CSF2RA: variants seen among roughly 807,000 people sequenced by gnomAD.
CSF2RA encodes colony stimulating factor 2 receptor subunit alpha, also known as granulocyte-macrophage colony-stimulating factor receptor subunit alpha.
CSF2RA carries 42 observed loss-of-function variants against 51.6 expected under a neutral mutation model. The observed-to-expected ratio is 0.81, with a 90% CI of 0.64 to 1.05. The LOEUF (loss-of-function observed/expected upper bound fraction) is 1.05, where lower values mean the gene tolerates loss of function less well. CSF2RA is among the 50% of genes least tolerant of loss of function. The pLI, the probability that CSF2RA is intolerant of heterozygous loss-of-function variation, is 0.00. For synonymous variants in CSF2RA, 222 were observed against 193.0 expected (o/e 1.15, Z -1.24); for missense variants, 530 against 501.1 (o/e 1.06, Z -0.55).
At chrX:1,279,882 T>A (rs1343447086) in intron 2 of CSF2RA, among the ~76,000 whole-genome samples, 1 of 151,538 alleles carries the variant, frequency 6.6e-6, no homozygotes, top group Non-Finnish European at 1.5e-5. Flanking sequence ...CTCCACCTCC[T>A]GGGTTCAAGC....
chrX:1,295,280 G>T, intron 8 of CSF2RA, 147 bp from the exon 9 acceptor site: 1 of 929,430 alleles, frequency 1.1e-6, no homozygotes, highest in South Asian at 1.3e-5. Context: ...TTGTAGATTC[G>T]GGGTTTGTGG....
rs140266665 is a variant in CSF2RA, at chrX:1,300,086, G to C, written c.811-405G>C. On this transcript the variant is annotated intron_variant, in intron 9 of 12. Coordinates refer to ENST00000381529, the MANE Select transcript of CSF2RA (RefSeq NM_172245.4). ...CAACAAAAATTAGCCGGGCGTGGTG[G>C]TGGGCACCTGTAGTCCCAACTACTG... Among the ~76,000 whole-genome samples the C allele has an allele frequency of 5.4e-3, 818 of 152,122 alleles. 10 individuals are homozygous for C. Among genetic ancestry groups the C allele is most frequent in the African/African-American group, 0.018 (742 of 41,510 alleles).
At chrX:1,283,865 A>G (rs2090336338) in intron 3 of CSF2RA, among the ~76,000 whole-genome samples, 2 of 152,054 alleles carry the variant, frequency 1.3e-5, no homozygotes, top group Admixed American at 1.3e-4. Flanking sequence ...CGCCACACCC[A>G]GCCTCTTGTT....
Position 1,277,623 on chromosome X carries a change from G to T in CSF2RA, c.-27+2805G>T, listed in dbSNP as rs771650694. Among the ~76,000 whole-genome samples, 13 of 149,106 alleles carry T rather than the reference G, an allele frequency of 8.7e-5. No homozygotes were observed. In the South Asian group the frequency reaches 2.8e-3, roughly 32 times the overall value. On this transcript the variant is annotated intron_variant, in intron 2 of 12. Coordinates refer to ENST00000381529, the MANE Select transcript of CSF2RA (RefSeq NM_172245.4). ...AAAAAAAAAAAAAAAAAAAATTCGG[G>T]GTGAGTCAGCAGTGCAAAGCCAAAG...
chrX:1,289,801 G>T (rs1278529629), intron 6 of CSF2RA, among the ~76,000 whole-genome samples: 4 of 97,860 alleles, frequency 4.1e-5, no homozygotes, highest in Non-Finnish European at 8.8e-5. Flanking sequence ...TTTGTTTTGT[G>T]TTTTTGTGTT....
intron 7 of CSF2RA, among the ~76,000 whole-genome samples, chrX:1,292,487 AG>A (rs1245216282): frequency 6.6e-6 from 1 of 152,096 alleles, no homozygotes; most frequent in Non-Finnish European, 1.5e-5. Context: ...TATCTTGGCA[AG>A]GGGAATGTGG....
chrX:1,270,859 G>T (rs1449402398), intron 1 of CSF2RA, among the ~76,000 whole-genome samples: 4 of 66,024 alleles, frequency 6.1e-5, no homozygotes, highest in African/African-American at 2.5e-4. Context: ...GGCCAACAGG[G>T]TGAAACCCCA....
At chrX:1,287,927 G>C (rs1240941099) in intron 4 of CSF2RA, among the ~76,000 whole-genome samples, 2 of 142,946 alleles carry the variant, frequency 1.4e-5, no homozygotes, top group Non-Finnish European at 3.1e-5. Flanking sequence ...AGTAGAGACG[G>C]GGTTTCACCA....
At chrX:1,323,027 G>T in the CSF2RA span, among the ~76,000 whole-genome samples, 1 of 151,920 alleles carries the variant, frequency 6.6e-6, no homozygotes, top group African/African-American at 2.4e-5. Context: ...TACTCGGGAG[G>T]CTGAGGCAGG....
At chrX:1,286,198 G>A (rs1327851035) in intron 4 of CSF2RA, among the ~76,000 whole-genome samples, 3 of 152,090 alleles carry the variant, frequency 2.0e-5, no homozygotes, top group Non-Finnish European at 4.4e-5. Flanking sequence ...ACTCGAACCC[G>A]GGAGGTGGAA....
At chrX:1,298,934 C>A (rs772439843) in intron 9 of CSF2RA, among the ~76,000 whole-genome samples, 80 of 152,130 alleles carry the variant, frequency 5.3e-4, no homozygotes, top group African/African-American at 1.8e-3. Flanking sequence ...TACAGTTGAA[C>A]CACTCACAAC....
chrX:1,289,642 GTTTGTT>G (rs1362062021), intron 6 of CSF2RA, among the ~76,000 whole-genome samples: 1 of 146,078 alleles, frequency 6.8e-6, no homozygotes, highest in East Asian at 2.1e-4. Context: ...TTTGTTTTGT[GTTTGTT>G]TTTGTTTTGT....
intron 3 of CSF2RA, among the ~76,000 whole-genome samples, chrX:1,284,666 T>C (rs1364065256): frequency 2.9e-3 from 347 of 121,558 alleles, no homozygotes; most frequent in Middle Eastern, 8.9e-3. Flanking sequence ...TTTGATTTTT[T>C]TTTTTTTTTT....
Position 1,303,666 on chromosome X carries a change from G to A in CSF2RA, c.947-257G>A, listed in dbSNP as rs377133813. The stretch of plus-strand genomic sequence containing the variant: ...GCTGGGATGACAGGCGTGAGCCACC[G>A]CATCCGGCCCATGGTGGCAAAGTTT... On this transcript the variant is annotated intron_variant, in intron 10 of 12. Coordinates refer to ENST00000381529, the MANE Select transcript of CSF2RA (RefSeq NM_172245.4). Among the ~76,000 whole-genome samples, 10 of 152,090 alleles carry A rather than the reference G, an allele frequency of 6.6e-5. No individual in the cohort carries two copies. In the East Asian group the frequency reaches 7.7e-4, roughly 12 times the overall value.
the CSF2RA span, among the ~76,000 whole-genome samples, chrX:1,319,433 G>A: frequency 1.3e-5 from 2 of 149,710 alleles, no homozygotes; most frequent in African/African-American, 4.9e-5. Flanking sequence ...GACCACAGCT[G>A]AACGTCACCA....
At chrX:1,293,254 GCCCA>G (rs1337405029) in intron 7 of CSF2RA, among the ~76,000 whole-genome samples, 2 of 151,788 alleles carry the variant, frequency 1.3e-5, no homozygotes, top group East Asian at 1.9e-4. Context: ...TCACTCTGTC[GCCCA>G]CCCAGGCTGG....
chrX:1,295,982 G>A (rs1171569812), intron 9 of CSF2RA, among the ~76,000 whole-genome samples: 26 of 148,650 alleles, frequency 1.7e-4, no homozygotes, highest in Non-Finnish European at 2.8e-4. Context: ...CCCTACTCAC[G>A]ACCCCCGGAG....
downstream of CSF2RA, among the ~76,000 whole-genome samples, chrX:1,314,998 CAACCCCACTGCACCTGCCCAACCA>C (rs1569515193): frequency 4.7e-5 from 6 of 126,768 alleles, no homozygotes; most frequent in African/African-American, 1.7e-4. Context: ...TGCACCTGCC[CAACCCCACTGCACCTGCCCAACCA>C]CACTGCACCA....
At chrX:1,305,250 G>A (rs779315597) in intron 11 of CSF2RA, among the ~76,000 whole-genome samples, 196 bp from the exon 12 acceptor site, 1 of 152,200 alleles carries the variant, frequency 6.6e-6, no homozygotes, top group African/African-American at 2.4e-5. Context: ...GCCTCCCAAA[G>A]TGCTGGGATT....
Sources: gnomAD v4.1 joint callset for allele counts (sites outside exome capture counted in the v4.1 genomes callset) on GRCh38, gnomAD v4.1.1 for gene constraint, MANE v1.5 for transcripts, NCBI Gene and HGNC (gene_info 2026-07-23, HGNC 2026-07-21) for gene names.